Variants in STAT3 observed in about 807,000 individuals in gnomAD.
STAT3 encodes signal transducer and activator of transcription 3.
A neutral mutation model predicts 114.3 loss-of-function variants in STAT3; 7 were observed. The ratio of observed to expected loss-of-function variants is 0.06; its 90% confidence interval spans 0.03 to 0.11. The LOEUF is 0.11. Among genes scored for constraint, STAT3 ranks in the 10% least tolerant of loss-of-function variants. STAT3 has a pLI of 1.00. For missense variants in STAT3, 364 were observed against 960.9 expected, an observed-to-expected ratio of 0.38 and a Z score of 8.21; for synonymous variants, 331 against 354.5, an observed-to-expected ratio of 0.93 and a Z score of 0.74.
chr17:42,346,414 G>A (rs1406467259), intron 3 of STAT3, among the ~76,000 whole-genome samples, 155 bp downstream of exon 3: 1 of 152,198 alleles, frequency 6.6e-6, no homozygotes, highest in East Asian at 1.9e-4. Flanking sequence ...AGTATACAGA[G>A]CTTTGAGAAA....
At chr17:42,351,615 C>T (rs560358183) in intron 1 of STAT3, among the ~76,000 whole-genome samples, 1 of 152,264 alleles carries the variant, frequency 6.6e-6, no homozygotes, top group South Asian at 2.1e-4. Flanking sequence ...TGCAGCACAG[C>T]TCCAAGGTAT....
intron 22 of STAT3, 98 bp from the exon 23 acceptor site, chr17:42,316,999 ACT>A: frequency 6.4e-7 from 1 of 1,564,640 alleles, no homozygotes; most frequent in Non-Finnish European, 8.6e-7. Context: ...AAGCCATCAA[ACT>A]CTGGTCTCCA....
rs747166284 is a variant in STAT3 at position 42,323,372 on chromosome 17, G to A, written c.1654-18C>T. ...ATGTTTTCCTGGAGAAAAGAGTAAT[G>A]GGAAAGCCAAGTCTACTGCCATCCC... On this transcript the variant is annotated intron_variant, in intron 18 of 23. Coordinates refer to ENST00000264657, the MANE Select transcript of STAT3 (RefSeq NM_139276.3). 1 of 1,613,682 alleles carries A rather than the reference G, an allele frequency of 6.2e-7. No individual in the cohort carries two copies.
At chr17:42,353,602 T>A (rs1231805945) in intron 1 of STAT3, among the ~76,000 whole-genome samples, 2 of 152,026 alleles carry the variant, frequency 1.3e-5, no homozygotes, top group Non-Finnish European at 2.9e-5. Flanking sequence ...TGAGACAGGG[T>A]CTCTCTCTGT....
chr17:42,336,669 T>C (rs1029729747), intron 8 of STAT3, among the ~76,000 whole-genome samples: 1 of 147,936 alleles, frequency 6.8e-6, no homozygotes, highest in African/African-American at 2.7e-5. Context: ...ATACATAATG[T>C]GTATATACAT....
intron 1 of STAT3, among the ~76,000 whole-genome samples, chr17:42,364,771 C>T (rs577386863): frequency 6.6e-6 from 1 of 152,322 alleles, no homozygotes; most frequent in African/African-American, 2.4e-5. Context: ...GCGTGAGCCA[C>T]TGCGCCTGGC....
In STAT3 at chr17:42,325,035, G is replaced by A; in HGVS notation, c.1392C>T (p.Ile464=). 1.2e-6 allele frequency: 2 copies of A among 1,614,060 alleles called. No homozygotes were observed. The highest frequency in any genetic ancestry group is 1.7e-6 in the Non-Finnish European group (2 of 1,179,962). Residue 464 remains isoleucine, a synonymous_variant, in exon 16 of 24, where the codon ATC becomes ATT. Transcript: ENST00000264657. ...LETHSLPVVV[I]SNICQMPNAW... is the part of the protein sequence containing the mutation. ...CATTTGGCATCTGACAGATGTTGGA[G>A]ATCACCACAACTGGCAAGGAGTGGG...
chr17:42,338,904 G>C (rs964283757), intron 5 of STAT3, 92 bp from the exon 6 acceptor site: 5 of 1,187,472 alleles, frequency 4.2e-6, no homozygotes, highest in Non-Finnish European at 6.1e-6. Flanking sequence ...TTCAAATGAA[G>C]CCAAAACCTC....
At chr17:42,371,940 G>A (rs1451375673) in intron 1 of STAT3, among the ~76,000 whole-genome samples, 8 of 152,096 alleles carry the variant, frequency 5.3e-5, no homozygotes, top group South Asian at 4.1e-4. Context: ...CCGAGATTGC[G>A]CCATTGCACT....
chr17:42,321,861 T>C (rs1361244271), intron 21 of STAT3, among the ~76,000 whole-genome samples: 1 of 152,176 alleles, frequency 6.6e-6, no homozygotes, highest in Non-Finnish European at 1.5e-5. Context: ...TCTCACTCTA[T>C]CAGCCAGGCT....
At chr17:42,331,394 T>C (rs2082004549) in intron 11 of STAT3, 78 bp downstream of exon 11, 5 of 1,279,262 alleles carry the variant, frequency 3.9e-6, no homozygotes, top group African/African-American at 1.5e-5. Flanking sequence ...ACAGAGTCTC[T>C]AGTTCAAATG....
At chr17:42,343,455 CT>C (rs34846688) in intron 4 of STAT3, among the ~76,000 whole-genome samples, 9,521 of 99,086 alleles carry the variant, frequency 0.096, 384 homozygotes, top group East Asian at 0.31. Context: ...TCAGATCTTT[CT>C]TTTTTTTTTT....
intron 1 of STAT3, among the ~76,000 whole-genome samples, chr17:42,357,273 G>A (rs2083273034): frequency 6.6e-6 from 1 of 151,960 alleles, no homozygotes; most frequent in Non-Finnish European, 1.5e-5. Flanking sequence ...GATTAGGAAG[G>A]AAAAAAATGA....
At chr17:42,366,537 GGC>G (rs1420744163) in intron 1 of STAT3, among the ~76,000 whole-genome samples, 2 of 152,038 alleles carry the variant, frequency 1.3e-5, no homozygotes, top group African/African-American at 4.8e-5. Context: ...CGGATATAGT[GGC>G]GCAAGCCTGT....
intron 1 of STAT3, among the ~76,000 whole-genome samples, chr17:42,376,861 G>A (rs911281553): frequency 4.0e-5 from 6 of 151,392 alleles, no homozygotes; most frequent in African/African-American, 1.5e-4. Context: ...AAAAAAATTG[G>A]CGGTTTATGG....
chr17:42,384,721 A>AT (rs967422340), intron 1 of STAT3, among the ~76,000 whole-genome samples: 5 of 151,420 alleles, frequency 3.3e-5, no homozygotes, highest in African/African-American at 1.2e-4. Context: ...GGCCTGGCTA[A>AT]TTTTTTTTAT....
chr17:42,352,220 T>A (rs2145060166), intron 1 of STAT3, among the ~76,000 whole-genome samples: 1 of 151,802 alleles, frequency 6.6e-6, no homozygotes, highest in Middle Eastern at 3.4e-3. Context: ...CCGTCTGTAA[T>A]CCCAGCTACT....
At chr17:42,316,560 A>C (rs1052404737) in intron 23 of STAT3, 1 of 1,200,130 alleles carries the variant, frequency 8.3e-7, no homozygotes, top group African/African-American at 1.5e-5. Flanking sequence ...TGTTGGATTT[A>C]GTGGGTTAAA....
At chr17:42,328,048 A>AG (rs1262549421) in intron 14 of STAT3, among the ~76,000 whole-genome samples, 1 of 151,842 alleles carries the variant, frequency 6.6e-6, no homozygotes, top group East Asian at 1.9e-4. Context: ...AAAAAAAAAA[A>AG]GAAAAAAGAA....
Sources: allele counts gnomAD v4.1 joint callset (sites outside exome capture counted in the v4.1 genomes callset), GRCh38; gene constraint gnomAD v4.1.1; transcripts MANE v1.5; gene names NCBI Gene and HGNC (gene_info 2026-07-23, HGNC 2026-07-21).